The following AGBL1 variants were observed in gnomAD, a reference collection of about 807,000 sequenced individuals.
The protein encoded by AGBL1 is AGBL carboxypeptidase 1.
Under a neutral mutation model 118.9 loss-of-function variants are expected in AGBL1, and 130 were observed. The ratio of observed to expected loss-of-function variants is 1.09; its 90% confidence interval spans 0.95 to 1.26. AGBL1 has a LOEUF of 1.26. AGBL1 is among the 50% of genes most tolerant of loss of function. AGBL1 has a pLI of 0.00. For synonymous variants in AGBL1, 555 were observed against 478.9 expected (o/e 1.16, Z -2.08); for missense variants, 1,584 against 1,298.1 (o/e 1.22, Z -3.38).
At chr15:86,720,245 C>A (rs2086697054) in intron 22 of AGBL1, among the ~76,000 whole-genome samples, 1 of 152,146 alleles carries the variant, frequency 6.6e-6, no homozygotes, top group South Asian at 2.1e-4. Context: ...CCTAACCTTG[C>A]ACATTATTCC....
chr15:86,451,176 C>T (rs1001428309), intron 18 of AGBL1, among the ~76,000 whole-genome samples: 1 of 150,986 alleles, frequency 6.6e-6, no homozygotes, highest in African/African-American at 2.5e-5. Context: ...ACTTTCTTTC[C>T]CACCCACTAA....
At chr15:86,257,050 A>G (rs1287476071) in intron 8 of AGBL1, 32 bp downstream of exon 8, 2 of 1,595,956 alleles carry the variant, frequency 1.3e-6, no homozygotes, top group East Asian at 2.2e-5. Flanking sequence ...GACCTTTAAG[A>G]TGAGTTTTTG....
At chr15:86,297,470 A>G (rs1167495756) in intron 17 of AGBL1, among the ~76,000 whole-genome samples, 1 of 152,174 alleles carries the variant, frequency 6.6e-6, no homozygotes, top group African/African-American at 2.4e-5. Context: ...AATTCTTTAC[A>G]AAGTTTTAAA....
At chr15:86,754,322 G>T (rs969971105) in intron 22 of AGBL1, among the ~76,000 whole-genome samples, 2 of 152,066 alleles carry the variant, frequency 1.3e-5, no homozygotes, top group Non-Finnish European at 2.9e-5. Flanking sequence ...ATTCTTGAGG[G>T]CAGGTGCCAT....
At chr15:86,206,890 C>T (rs1272284428) in intron 5 of AGBL1, among the ~76,000 whole-genome samples, 1 of 152,160 alleles carries the variant, frequency 6.6e-6, no homozygotes, top group Non-Finnish European at 1.5e-5. Context: ...TTGTCTATGC[C>T]TGTGTCCTGA....
intron 18 of AGBL1, among the ~76,000 whole-genome samples, chr15:86,410,815 T>TAG (rs2081598289): frequency 1.1e-5 from 1 of 92,582 alleles, no homozygotes; most frequent in African/African-American, 5.2e-5. Context: ...TAGATATATA[T>TAG]ATATATATAT....
chr15:86,589,352 T>C (rs2084300784), intron 21 of AGBL1, among the ~76,000 whole-genome samples: 1 of 152,168 alleles, frequency 6.6e-6, no homozygotes, highest in Non-Finnish European at 1.5e-5. Flanking sequence ...TGCTTAGGGG[T>C]ATTTATGGAA....
intron 22 of AGBL1, among the ~76,000 whole-genome samples, chr15:86,849,055 A>G (rs1258082172): frequency 6.6e-6 from 1 of 152,216 alleles, no homozygotes; most frequent in Non-Finnish European, 1.5e-5. Context: ...TCCAATGCTC[A>G]GTGTTGATTG....
chr15:86,484,955 A>G lies in AGBL1; in HGVS notation c.2556-37855A>G, dbSNP rs1036208372. Among the ~76,000 whole-genome samples the G allele has an allele frequency of 2.0e-5, 3 of 152,272 alleles. No homozygotes were observed. In the East Asian group the frequency reaches 5.8e-4, roughly 29 times the overall value. ...CACTTTACTTAGAATACTTCACTGT[A>G]TTTAAGAGTTCCCACTTGCTAGTGC... On this transcript the variant is annotated intron_variant, in intron 18 of 22. Coordinates refer to ENST00000614907, the MANE Select transcript of AGBL1 (RefSeq NM_001386094.1).
At chr15:86,505,791 C>G (rs887241762) in intron 18 of AGBL1, among the ~76,000 whole-genome samples, 19 of 151,774 alleles carry the variant, frequency 1.3e-4, no homozygotes, top group African/African-American at 4.6e-4. Flanking sequence ...AGGATAGTTT[C>G]TATTAGCTGT....
chr15:86,436,110 G>C (rs914429228), intron 18 of AGBL1, among the ~76,000 whole-genome samples: 2 of 36,428 alleles, frequency 5.5e-5, no homozygotes, highest in Non-Finnish European at 1.2e-4. Flanking sequence ...TTTTTTTTTT[G>C]TCCCATTTCT....
At chr15:86,386,914 A>AGTGATTAT (rs2081205272) in intron 17 of AGBL1, among the ~76,000 whole-genome samples, 1 of 152,196 alleles carries the variant, frequency 6.6e-6, no homozygotes, top group Admixed American at 6.5e-5. Context: ...ATAAAAAATG[A>AGTGATTAT]GTGATTATGT....
At chr15:86,221,590 A>C (rs2078281066) in intron 5 of AGBL1, among the ~76,000 whole-genome samples, 2 of 152,202 alleles carry the variant, frequency 1.3e-5, no homozygotes, top group African/African-American at 2.4e-5. Context: ...ACCAAAAATC[A>C]AGAGCCTCTT....
chr15:86,895,330 A>G (rs899619449), intron 22 of AGBL1, among the ~76,000 whole-genome samples: 1 of 151,848 alleles, frequency 6.6e-6, no homozygotes, highest in South Asian at 2.1e-4. Flanking sequence ...TCTTATTCTC[A>G]TTGTCTAAGT....
At chr15:86,864,703 T>C (rs536519773) in intron 22 of AGBL1, among the ~76,000 whole-genome samples, 3 of 152,170 alleles carry the variant, frequency 2.0e-5, no homozygotes, top group Admixed American at 2.0e-4. Flanking sequence ...ATCAGGAAAT[T>C]AAGTCACTGG....
intron 18 of AGBL1, among the ~76,000 whole-genome samples, chr15:86,502,972 A>G (rs1026843662): frequency 1.3e-5 from 2 of 151,384 alleles, no homozygotes; most frequent in African/African-American, 2.4e-5. Flanking sequence ...TGTTTTGGAA[A>G]GTTTTGTGAA....
intron 5 of AGBL1, among the ~76,000 whole-genome samples, chr15:86,201,100 T>G (rs193007079): frequency 1.3e-5 from 2 of 152,262 alleles, no homozygotes; most frequent in East Asian, 3.9e-4. Flanking sequence ...TATAATTATA[T>G]ATGATAAATA....
chr15:86,648,133 G>A (rs2142487103), intron 21 of AGBL1, among the ~76,000 whole-genome samples: 1 of 152,234 alleles, frequency 6.6e-6, no homozygotes, highest in African/African-American at 2.4e-5. Context: ...GAAGTTAGTG[G>A]CATAATCTGA....
At chr15:86,354,864 C>T (rs1193416112) in intron 17 of AGBL1, among the ~76,000 whole-genome samples, 1 of 152,104 alleles carries the variant, frequency 6.6e-6, no homozygotes, top group African/African-American at 2.4e-5. Flanking sequence ...CATTTTGTGG[C>T]TGGAATCAGA....
Sources: gnomAD v4.1 joint callset for allele counts (sites outside exome capture counted in the v4.1 genomes callset) on GRCh38, gnomAD v4.1.1 for gene constraint, MANE v1.5 for transcripts, NCBI Gene and HGNC (gene_info 2026-07-23, HGNC 2026-07-21) for gene names.